The following KATNIP variants were observed in gnomAD, a reference collection of about 807,000 sequenced individuals.
KATNIP encodes katanin-interacting protein.
KATNIP carries 126 observed loss-of-function variants against 174.0 expected under a neutral mutation model. That is an observed-to-expected ratio of 0.72 (90% CI 0.63 to 0.84). The LOEUF (loss-of-function observed/expected upper bound fraction) is 0.84. Among genes scored for constraint, KATNIP ranks in the 40% least tolerant of loss-of-function variants. KATNIP has a pLI of 0.00. For missense variants in KATNIP, 1,958 were observed against 2,109.7 expected (o/e 0.93, Z 1.41); for synonymous variants, 810 against 835.7 (o/e 0.97, Z 0.53).
intron 8 of KATNIP, among the ~76,000 whole-genome samples, chr16:27,685,727 C>T (rs2078499084): frequency 6.6e-6 from 1 of 152,138 alleles, no homozygotes; most frequent in African/African-American, 2.4e-5. Context: ...ATATACTTGG[C>T]TCTAACATAA....
intron 2 of KATNIP, among the ~76,000 whole-genome samples, chr16:27,585,356 A>G (rs370572588): frequency 2.6e-5 from 4 of 152,250 alleles, no homozygotes; most frequent in South Asian, 2.1e-4. Flanking sequence ...TATGATCACT[A>G]TGGAGAACAG....
At chr16:27,628,954 G>A in intron 4 of KATNIP, 124 bp downstream of exon 4, 1 of 964,886 alleles carries the variant, frequency 1.0e-6, no homozygotes, top group East Asian at 2.5e-5. Flanking sequence ...GATCACTTGA[G>A]GCCAAGAGTT....
At chr16:27,706,242 A>G (rs938953126) in intron 12 of KATNIP, among the ~76,000 whole-genome samples, 1 of 152,118 alleles carries the variant, frequency 6.6e-6, no homozygotes, top group African/African-American at 2.4e-5. Flanking sequence ...CTGTATCATC[A>G]GACTCCACTG....
At chr16:27,552,419 G>C (rs1218960408) in intron 1 of KATNIP, among the ~76,000 whole-genome samples, 1 of 149,360 alleles carries the variant, frequency 6.7e-6, no homozygotes, top group Non-Finnish European at 1.5e-5. Flanking sequence ...CTGTCGCCCA[G>C]GCTGGAGTGC....
At position 27,777,434 on chromosome 16, in the gene KATNIP, C is replaced by T. The variant is rs529111088; in HGVS notation, c.4552-176C>T. Among the ~76,000 whole-genome samples the T allele has an allele frequency of 1.3e-5, 2 of 152,314 alleles. No homozygotes were observed. Among genetic ancestry groups the T allele is most frequent in the East Asian group, 3.9e-4 (2 of 5,186 alleles). ...GCATGCTGATAGCTCCTGCCTTTCCCAATGGTTGTGAAGATCTGAAATCAC... is the reference window on the plus strand; with the variant it reads ...GCATGCTGATAGCTCCTGCCTTTCCTAATGGTTGTGAAGATCTGAAATCAC... On this transcript the variant is annotated intron_variant, in intron 25 of 27. Transcript: ENST00000261588. This position sits in a 1 kb window ranked among gnomAD's most constrained non-coding sequence, Gnocchi z 4.4.
chr16:27,590,068 G>A (rs1567467756), intron 2 of KATNIP, among the ~76,000 whole-genome samples: 1 of 151,950 alleles, frequency 6.6e-6, no homozygotes, highest in African/African-American at 2.4e-5. Context: ...TACCAGCAAT[G>A]TAATTTTTTA....
intron 2 of KATNIP, among the ~76,000 whole-genome samples, chr16:27,613,229 G>A (rs144619537): frequency 2.1e-3 from 326 of 152,264 alleles, no homozygotes; most frequent in African/African-American, 7.1e-3. Context: ...AGCCGAAATC[G>A]CACCACTGCA....
Position 27,614,166 on chromosome 16 carries a change from C to T in KATNIP, c.64-4259C>T, listed in dbSNP as rs1187349941. On this transcript the variant is annotated intron_variant, in intron 2 of 27. Coordinates refer to ENST00000261588, the MANE Select transcript of KATNIP (RefSeq NM_015202.5). The stretch of plus-strand genomic sequence containing the variant: ...TATCTCAGCTCACTGCAACCTCCAA[C>T]CCCCGGGTTCAAGCGATTCTCCTGA... Among the ~76,000 whole-genome samples the T allele has an allele frequency of 4.0e-5, 6 of 151,770 alleles. No individual in the cohort carries two copies. The South Asian group carries it at 6.3e-4, about 16-fold the overall frequency.
chr16:27,770,077 G>T, intron 21 of KATNIP, 59 bp downstream of exon 21: 1 of 1,575,182 alleles, frequency 6.3e-7, no homozygotes. Flanking sequence ...CGCTTGCTTT[G>T]CAAGTTGCTC....
chr16:27,662,017 C>T (rs1431275286), intron 6 of KATNIP, among the ~76,000 whole-genome samples: 2 of 33,384 alleles, frequency 6.0e-5, no homozygotes, highest in Admixed American at 3.6e-4. Context: ...TATATATATA[C>T]ACATACATAT....
At chr16:27,554,799 T>C (rs1306753129) in intron 1 of KATNIP, among the ~76,000 whole-genome samples, 1 of 144,612 alleles carries the variant, frequency 6.9e-6, no homozygotes. Flanking sequence ...CTTTTTTTTT[T>C]TTTTTTTTTT....
At chr16:27,607,960 A>T (rs2075762448) in intron 2 of KATNIP, among the ~76,000 whole-genome samples, 1 of 151,980 alleles carries the variant, frequency 6.6e-6, no homozygotes, top group African/African-American at 2.4e-5. Context: ...CTCTGGTGAG[A>T]CCTGCAGTCA....
At chr16:27,673,311 G>A (rs1228667348) in intron 6 of KATNIP, among the ~76,000 whole-genome samples, 1 of 152,186 alleles carries the variant, frequency 6.6e-6, no homozygotes, top group Non-Finnish European at 1.5e-5. Context: ...TAGTTTTACA[G>A]CTGCCGAAAT....
chr16:27,665,810 G>A (rs951244341), intron 6 of KATNIP, among the ~76,000 whole-genome samples: 26 of 151,664 alleles, frequency 1.7e-4, no homozygotes, highest in African/African-American at 5.3e-4. Flanking sequence ...CATGTTGGCC[G>A]GGCTGGTCTT....
intron 2 of KATNIP, among the ~76,000 whole-genome samples, chr16:27,580,099 A>G (rs2090639796): frequency 1.3e-5 from 2 of 151,692 alleles, no homozygotes; most frequent in Admixed American, 6.6e-5. Context: ...GGGTCTCTTT[A>G]TCTTGTTGCT....
chr16:27,635,324 G>T (rs574056390), intron 5 of KATNIP, among the ~76,000 whole-genome samples: 1 of 152,108 alleles, frequency 6.6e-6, no homozygotes, highest in South Asian at 2.1e-4. Context: ...AAGGGAGTCT[G>T]GGAAATGCAG....
chr16:27,681,831 C>G (rs1351107566), intron 8 of KATNIP, among the ~76,000 whole-genome samples: 1 of 152,182 alleles, frequency 6.6e-6, no homozygotes, highest in Non-Finnish European at 1.5e-5. Context: ...GTCACCCTCA[C>G]TTGGGGGAGG....
chr16:27,675,241 A>C (rs2078071941), intron 6 of KATNIP, among the ~76,000 whole-genome samples: 1 of 152,210 alleles, frequency 6.6e-6, no homozygotes, highest in Non-Finnish European at 1.5e-5. Context: ...GGCAGGCAAG[A>C]GAGCTTGTGC....
At chr16:27,556,974 G>A (rs1431346170) in intron 1 of KATNIP, among the ~76,000 whole-genome samples, 1 of 151,918 alleles carries the variant, frequency 6.6e-6, no homozygotes, top group African/African-American at 2.4e-5. Flanking sequence ...TAGGAAGTCG[G>A]CCCATAATGT....
Sources: gnomAD v4.1 joint callset for allele counts (sites outside exome capture counted in the v4.1 genomes callset) on GRCh38, gnomAD v4.1.1 for gene constraint, Gnocchi (gnomAD v3.1) non-coding constraint, MANE v1.5 for transcripts, NCBI Gene and HGNC (gene_info 2026-07-23, HGNC 2026-07-21) for gene names.